CYP39A1: variants seen among roughly 807,000 people sequenced by gnomAD.
CYP39A1 encodes 24-hydroxycholesterol 7-alpha-hydroxylase.
A neutral mutation model predicts 58.1 loss-of-function variants in CYP39A1; 49 were observed. The ratio of observed to expected loss-of-function variants is 0.84; its 90% CI spans 0.67 to 1.07. The LOEUF is 1.07. Ranked by LOEUF, CYP39A1 falls within the 50% of genes least tolerant of loss-of-function variation. The pLI is 0.00. For synonymous variants in CYP39A1, 209 were observed against 187.6 expected (o/e 1.11, Z -0.93); for missense variants, 531 against 539.4 (o/e 0.98, Z 0.16).
chr6:46,584,338 C>G (rs566180680), intron 10 of CYP39A1, among the ~76,000 whole-genome samples: 1 of 152,166 alleles, frequency 6.6e-6, no homozygotes, highest in South Asian at 2.1e-4. Flanking sequence ...ACTCTACTTT[C>G]AAAGGAAAAC....
chr6:46,595,938 T>C (rs761957633), intron 8 of CYP39A1, 49 bp downstream of exon 8: 14 of 1,568,738 alleles, frequency 8.9e-6, no homozygotes, highest in Non-Finnish European at 1.2e-5. Flanking sequence ...GCAAAATGTG[T>C]ACTTTTTTTG....
At chr6:46,554,787 A>T (rs1332706219) in intron 10 of CYP39A1, among the ~76,000 whole-genome samples, 1 of 152,098 alleles carries the variant, frequency 6.6e-6, no homozygotes, top group Non-Finnish European at 1.5e-5. Flanking sequence ...ATCACCCTCC[A>T]TATCCAATTA....
rs1018669278 is a variant in CYP39A1 at position 46,624,896 on chromosome 6, A to G, written c.931+522T>C. Reference sequence around the variant, plus strand: ...AACAATCCCTATTTGCAGCTCCTAAATCCTCAAATTTCTAACAACCATAAG... The same window carrying G: ...AACAATCCCTATTTGCAGCTCCTAAGTCCTCAAATTTCTAACAACCATAAG... On this transcript the variant is annotated intron_variant, in intron 7 of 11. Transcript: ENST00000275016. 3.3e-5 allele frequency among the ~76,000 whole-genome samples: 5 copies of G among 152,122 alleles called. No individual in the cohort carries two copies. The East Asian group carries it at 9.6e-4, about 29-fold the overall frequency.
chr6:46,558,112 T>G (rs1353089727), intron 10 of CYP39A1, among the ~76,000 whole-genome samples: 2 of 151,816 alleles, frequency 1.3e-5, no homozygotes, highest in Admixed American at 6.6e-5. Flanking sequence ...CTGGAAACAA[T>G]GCAAGCCAAA....
intron 10 of CYP39A1, among the ~76,000 whole-genome samples, chr6:46,575,103 G>C (rs1243844447): frequency 1.3e-5 from 2 of 152,096 alleles, no homozygotes; most frequent in African/African-American, 4.8e-5. Flanking sequence ...GCATGGAGTG[G>C]CTCACCTTCA....
At chr6:46,642,642 T>C (rs1776415232) in intron 1 of CYP39A1, among the ~76,000 whole-genome samples, 1 of 152,184 alleles carries the variant, frequency 6.6e-6, no homozygotes, top group African/African-American at 2.4e-5. Flanking sequence ...GGTAGACTTA[T>C]AAGCAACCTA....
At chr6:46,592,534 T>C (rs574770431) in intron 8 of CYP39A1, among the ~76,000 whole-genome samples, 11 of 152,160 alleles carry the variant, frequency 7.2e-5, no homozygotes, top group Admixed American at 2.6e-4. Flanking sequence ...ACACTGTTTA[T>C]AGAAGTGAAA....
At chr6:46,602,870 G>C (rs936519946) in intron 7 of CYP39A1, among the ~76,000 whole-genome samples, 3 of 132,710 alleles carry the variant, frequency 2.3e-5, no homozygotes, top group African/African-American at 5.6e-5. Flanking sequence ...ATTATGATTT[G>C]AATCAGAAAT....
intron 1 of CYP39A1, among the ~76,000 whole-genome samples, chr6:46,648,744 G>A (rs1241580277): frequency 6.6e-6 from 1 of 151,682 alleles, no homozygotes; most frequent in Non-Finnish European, 1.5e-5. Context: ...ATGCAGAGAG[G>A]GTAGGTCAAA....
At position 46,566,530 on chromosome 6, in the gene CYP39A1, G is replaced by C. The variant is rs1050125476; in HGVS notation, c.1251-12676C>G. ...TCACTCACTATCATGAGAACAGCAT[G>C]GGGGAAACCACTCCTGTGATTCAAT... On this transcript the variant is annotated intron_variant, in intron 10 of 11. Coordinates refer to ENST00000275016, the MANE Select transcript of CYP39A1 (RefSeq NM_016593.5). Among the ~76,000 whole-genome samples the C allele has an allele frequency of 3.3e-5, 5 of 152,178 alleles. No homozygotes were observed. In the East Asian group the frequency reaches 9.7e-4, roughly 29 times the overall value.
intron 1 of CYP39A1, 52 bp downstream of exon 1, chr6:46,652,354 A>T: frequency 1.3e-6 from 2 of 1,526,308 alleles, no homozygotes; most frequent in Non-Finnish European, 1.8e-6. Context: ...AAGAAAGTTT[A>T]AAAAAGAAAG....
chr6:46,601,817 G>A (rs2179739), intron 7 of CYP39A1, among the ~76,000 whole-genome samples: 14,044 of 151,688 alleles, frequency 0.093, 1,159 homozygotes, highest in African/African-American at 0.19. Context: ...CACCATGCCC[G>A]TCCTCAGGTT....
chr6:46,570,395 C>G (rs191600318), intron 10 of CYP39A1, among the ~76,000 whole-genome samples: 8 of 152,018 alleles, frequency 5.3e-5, no homozygotes, highest in South Asian at 4.1e-4. Context: ...TCTTCTTTAT[C>G]TAGTTCCTTG....
intron 7 of CYP39A1, among the ~76,000 whole-genome samples, chr6:46,620,340 C>T (rs967197123): frequency 6.6e-6 from 1 of 152,118 alleles, no homozygotes; most frequent in Admixed American, 6.6e-5. Context: ...CCTAGAAGAC[C>T]TTACTTGCAA....
intron 11 of CYP39A1, among the ~76,000 whole-genome samples, chr6:46,553,043 TCAAAAA>T (rs1423074381): frequency 9.9e-6 from 1 of 101,438 alleles, no homozygotes; most frequent in Middle Eastern, 0.01. Flanking sequence ...AGACTCTGTC[TCAAAAA>T]CAAATAAAAA....
At chr6:46,551,626 C>T (rs2046258118) in intron 11 of CYP39A1, among the ~76,000 whole-genome samples, 1 of 152,126 alleles carries the variant, frequency 6.6e-6, no homozygotes, top group Admixed American at 6.6e-5. Context: ...AAACATTGGG[C>T]TGTTGCAAAA....
chr6:46,609,264 G>C (rs1774053413), intron 7 of CYP39A1, among the ~76,000 whole-genome samples: 1 of 151,704 alleles, frequency 6.6e-6, no homozygotes, highest in African/African-American at 2.4e-5. Flanking sequence ...TTAGCCGGGC[G>C]TGGTGGCGGG....
chr6:46,563,158 C>A (rs1771073091), intron 10 of CYP39A1, among the ~76,000 whole-genome samples: 1 of 150,498 alleles, frequency 6.6e-6, no homozygotes, highest in African/African-American at 2.4e-5. Flanking sequence ...TTTACTATGT[C>A]ACTGAATTTT....
rs73471142 is a variant in CYP39A1 at position 46,643,850 on chromosome 6, G to A, written c.178-1552C>T. The stretch of plus-strand genomic sequence containing the variant: ...GCAATGTCAGCAGCCTCGGTGTTAC[G>A]AAGTACAGGCAGGCACACACGGTAT... On this transcript the variant is annotated intron_variant, in intron 1 of 11. Coordinates refer to ENST00000275016, the MANE Select transcript of CYP39A1 (RefSeq NM_016593.5). Among the ~76,000 whole-genome samples the A allele has an allele frequency of 4.8e-3, 724 of 152,214 alleles. 5 individuals are homozygous for A. Among genetic ancestry groups the A allele is most frequent in the African/African-American group, 0.016 (684 of 41,540 alleles).
Sources: allele counts gnomAD v4.1 joint callset (sites outside exome capture counted in the v4.1 genomes callset), GRCh38; gene constraint gnomAD v4.1.1; transcripts MANE v1.5; gene names NCBI Gene and HGNC (gene_info 2026-07-23, HGNC 2026-07-21).